The following SPNS2 variants were observed in gnomAD, a reference collection of about 807,000 sequenced individuals.
SPNS2 encodes the protein sphingosine-1-phosphate transporter SPNS2.
A neutral mutation model predicts 57.6 loss-of-function variants in SPNS2; 37 were observed. That is an observed-to-expected ratio of 0.64 (90% CI 0.49 to 0.85). SPNS2 has a LOEUF of 0.85. Ranked by LOEUF, SPNS2 falls within the 40% of genes least tolerant of loss-of-function variation. SPNS2 has a pLI of 0.00. For synonymous variants in SPNS2, 440 were observed against 346.9 expected (o/e 1.27, Z -2.98); for missense variants, 831 against 779.1 (o/e 1.07, Z -0.79).
In SPNS2 at chr17:4,530,775, A is replaced by G. The variant is rs2144361263; in HGVS notation, c.717A>G (p.Pro239=). ...LMLSVFYFAI[P]LGSGLGYITG... ...TGTCCGTCTTCTACTTCGCCATCCC[A>G]CTGGGCAGGTGAGAGCCGGAGATGC... The change falls in exon 4 of 13, where the codon CCA becomes CCG. Residue 239 remains proline (P), a synonymous_variant. Coordinates refer to ENST00000329078, the MANE Select transcript of SPNS2 (RefSeq NM_001124758.3). The G allele has an allele frequency of 1.2e-6, 2 of 1,612,966 alleles. No individual in the cohort carries two copies. The highest frequency in any genetic ancestry group is 2.2e-5 in the East Asian group (1 of 44,846).
chr17:4,536,521 TAC>T, intron 11 of SPNS2, 95 bp downstream of exon 11: 1 of 1,392,112 alleles, frequency 7.2e-7, no homozygotes, highest in Non-Finnish European at 9.8e-7. Context: ...GCGGGGAGGG[TAC>T]AGACCTCCCA....
chr17:4,534,889 G>A (rs6502795), intron 9 of SPNS2, among the ~76,000 whole-genome samples: 2 of 152,096 alleles, frequency 1.3e-5, no homozygotes, highest in Non-Finnish European at 2.9e-5. Flanking sequence ...CCCAGGGAGC[G>A]CCTGACAGCT....
chr17:4,535,959 C>G (rs1014169389), intron 9 of SPNS2, 117 bp from the exon 10 acceptor site: 4 of 785,066 alleles, frequency 5.1e-6, no homozygotes, highest in Non-Finnish European at 8.1e-6. Flanking sequence ...GGTGTCAAGA[C>G]GTAGGGCAGG....
rs760012924 is a variant in SPNS2, at chr17:4,538,989, C to G, written c.*1541C>G. The G allele has an allele frequency of 2.1e-5, 17 of 803,520 alleles. No individual in the cohort carries two copies. Among genetic ancestry groups the G allele is most frequent in the South Asian group, 1.3e-4 (10 of 75,050 alleles). 49.8% of individuals were successfully genotyped at this position (803,520 alleles called of 1,614,324 possible). A position where few individuals can be genotyped will look rare whatever the true frequency, so the allele number is the denominator to read the frequency against. ...GAATCTCAGAGTCTTAAGAGAGAAG[C>G]CAAATATATTCCTCTTGTAAATGAA... On this transcript the variant is annotated 3_prime_UTR_variant, in exon 13 of 13. Transcript: ENST00000329078.
intron 1 of SPNS2, among the ~76,000 whole-genome samples, chr17:4,501,796 A>C (rs1371432903): frequency 6.6e-6 from 1 of 152,118 alleles, no homozygotes. Flanking sequence ...AGAGATGGGG[A>C]TGCAGAGACT....
At chr17:4,506,054 G>C (rs1001707295) in intron 1 of SPNS2, among the ~76,000 whole-genome samples, 3 of 152,212 alleles carry the variant, frequency 2.0e-5, no homozygotes, top group Non-Finnish European at 2.9e-5. Context: ...GGATGCTAGG[G>C]TGTTGAGGGG....
chr17:4,521,146 G>T (rs1394587660), intron 2 of SPNS2, among the ~76,000 whole-genome samples: 2 of 152,154 alleles, frequency 1.3e-5, no homozygotes, highest in African/African-American at 2.4e-5. Flanking sequence ...AACATAGGTT[G>T]TCCTTTAAAC....
chr17:4,535,010 C>T (rs997079040), intron 9 of SPNS2, among the ~76,000 whole-genome samples: 1 of 152,184 alleles, frequency 6.6e-6, no homozygotes, highest in Non-Finnish European at 1.5e-5. Context: ...CCCTTTTCCA[C>T]CCGCCCCCCA....
At chr17:4,524,236 C>T (rs1905210954) in intron 2 of SPNS2, among the ~76,000 whole-genome samples, 1 of 152,212 alleles carries the variant, frequency 6.6e-6, no homozygotes, top group South Asian at 2.1e-4. Flanking sequence ...ATAAGGAACA[C>T]AGGCTCTGGA....
rs1268963514 is a variant in SPNS2, at chr17:4,499,896, C to T, written c.370+479C>T. Among the ~76,000 whole-genome samples, 1 of 152,192 alleles carries T rather than the reference C, an allele frequency of 6.6e-6. No homozygotes were observed. The highest frequency in any genetic ancestry group is 6.5e-5 in the Admixed American group (1 of 15,284). On this transcript the variant is annotated intron_variant, in intron 1 of 12. Coordinates refer to ENST00000329078, the MANE Select transcript of SPNS2 (RefSeq NM_001124758.3). The surrounding 1 kb of genome is among the most constrained non-coding windows in gnomAD (Gnocchi z 5.2). ...CCCCTGCGTGCGTGCGGCGAGTGCG[C>T]GCGCCCCTTGCGGGTGTGCGCTAGG...
chr17:4,536,216 GA>G (rs765315150), intron 10 of SPNS2, 42 bp downstream of exon 10: 9 of 1,608,452 alleles, frequency 5.6e-6, no homozygotes, highest in African/African-American at 4.0e-5. Flanking sequence ...CAGGCTGGGG[GA>G]CTGCAGGAGG....
chr17:4,507,262 G>C (rs1038473667), intron 1 of SPNS2, among the ~76,000 whole-genome samples: 46 of 152,226 alleles, frequency 3.0e-4, no homozygotes, highest in Non-Finnish European at 2.1e-4. Context: ...CTCTGAGAGG[G>C]ACTGGTGAAG....
chr17:4,514,238 C>G (rs7214836), intron 2 of SPNS2, among the ~76,000 whole-genome samples: 1,887 of 152,332 alleles, frequency 0.012, 42 homozygotes, highest in African/African-American at 0.043. Context: ...AGCCTGGATC[C>G]TGCTTTCTCT....
chr17:4,522,814 T>C (rs1905172259), intron 2 of SPNS2, among the ~76,000 whole-genome samples: 1 of 152,238 alleles, frequency 6.6e-6, no homozygotes, highest in African/African-American at 2.4e-5. Flanking sequence ...GCTCTGGGCC[T>C]CTTCATCCCA....
chr17:4,528,691 G>A (rs1327459010), intron 3 of SPNS2, among the ~76,000 whole-genome samples: 2 of 151,342 alleles, frequency 1.3e-5, no homozygotes, highest in African/African-American at 4.9e-5. Flanking sequence ...TGGCCAGGCT[G>A]GTCTCGAACT....
rs1053255570 is a variant in SPNS2 at position 4,499,757 on chromosome 17, C to A, written c.370+340C>A. 4.4e-4 allele frequency: 88 copies of A among 201,602 alleles called. 1 individual carries two copies. Among genetic ancestry groups the A allele is most frequent in the African/African-American group, 1.8e-3 (77 of 43,402 alleles). 12.5% of individuals were successfully genotyped at this position (201,602 alleles called of 1,614,324 possible). A position where few individuals can be genotyped will look rare whatever the true frequency, so the allele number is the denominator to read the frequency against. On this transcript the variant is annotated intron_variant, in intron 1 of 12. Transcript: ENST00000329078. The surrounding 1 kb of genome is among the most constrained non-coding windows in gnomAD (Gnocchi z 5.2). ...GTCTCTCTGTCTCCTTGTCTCTGCG[C>A]CCCCTCCGACCCCAGCTGCCGGTTC...
chr17:4,508,387 T>A (rs950872019), intron 1 of SPNS2, among the ~76,000 whole-genome samples: 19 of 152,174 alleles, frequency 1.2e-4, no homozygotes, highest in Admixed American at 6.5e-5. Context: ...ACTCTGCAGA[T>A]TTGGGGAGGG....
intron 12 of SPNS2, 132 bp downstream of exon 12, chr17:4,537,078 C>A: frequency 9.8e-7 from 1 of 1,019,818 alleles, no homozygotes; most frequent in Non-Finnish European, 1.5e-6. Flanking sequence ...GGCTTTGTCT[C>A]TGAAGATGTT....
rs537652146 is a variant in SPNS2 at position 4,533,481 on chromosome 17, C to A, written c.1278+49C>A. On this transcript the variant is annotated intron_variant, in intron 8 of 12. Transcript: ENST00000329078. The stretch of plus-strand genomic sequence containing the variant: ...TGCTGGGGGAGCTGGGCCTGGGCCG[C>A]GGGAGGGTCTGGAACAGGACATTCG... 6 of 1,532,070 alleles carry A rather than the reference C, an allele frequency of 3.9e-6. No homozygotes were observed. The Admixed American group carries it at 7.6e-5, about 19-fold the overall frequency. 94.9% of individuals were successfully genotyped at this position (1,532,070 alleles called of 1,614,324 possible).
Sources: allele counts gnomAD v4.1 joint callset (sites outside exome capture counted in the v4.1 genomes callset), GRCh38; gene constraint gnomAD v4.1.1; non-coding constraint Gnocchi (gnomAD v3.1); transcripts MANE v1.5; gene names NCBI Gene and HGNC (gene_info 2026-07-23, HGNC 2026-07-21).